The following PDE2A variants were observed in gnomAD, a reference collection of about 807,000 sequenced individuals.
The protein encoded by PDE2A is phosphodiesterase 2A, also known as cGMP-dependent 3',5'-cyclic phosphodiesterase.
A neutral mutation model predicts 133.6 loss-of-function variants in PDE2A; 53 were observed. That is an observed-to-expected ratio of 0.40 (90% CI 0.32 to 0.50). PDE2A has a LOEUF of 0.50. Ranked by LOEUF, PDE2A falls within the 20% of genes least tolerant of loss-of-function variation. The pLI is 0.73. For synonymous variants in PDE2A, 491 were observed against 490.2 expected (o/e 1.00, Z -0.02); for missense variants, 796 against 1,232.4 (o/e 0.65, Z 5.30).
intron 4 of PDE2A, among the ~76,000 whole-genome samples, chr11:72,602,167 G>A (rs549069145): frequency 6.6e-6 from 1 of 152,328 alleles, no homozygotes; most frequent in South Asian, 2.1e-4. Context: ...TTGCAAGGGA[G>A]CAAGCAGCCC....
At chr11:72,613,783 G>A (rs1342789861) in intron 2 of PDE2A, among the ~76,000 whole-genome samples, 1 of 152,152 alleles carries the variant, frequency 6.6e-6, no homozygotes, top group Non-Finnish European at 1.5e-5. Context: ...GCAGCTAGAG[G>A]GGAAACAGGG....
Position 72,578,985 on chromosome 11 carries a change from T to G in PDE2A, c.2381A>C (p.Gln794Pro). 1 of 1,613,730 alleles carries G rather than the reference T, an allele frequency of 6.2e-7. No homozygotes were observed. The highest frequency in any genetic ancestry group is 8.5e-7 in the Non-Finnish European group (1 of 1,179,634). Residue 794 changes from glutamine to proline, a missense_variant, in exon 28 of 31, where the codon CAG becomes CCG. Gln to Pro is a moderately conservative substitution (Grantham distance 76). This residue lies in a region of PDE2A where 19 missense variants were observed against 16.0 expected (regional missense o/e 1.18). Coordinates refer to ENST00000334456, the MANE Select transcript of PDE2A (RefSeq NM_002599.5). This position sits in a 1 kb window ranked among gnomAD's most constrained non-coding sequence, Gnocchi z 4.2. ...AEVGYDRNNK[Q>P]HHRLLLCLLM... ...GAGGCAGAGGAGAAGTCTGTGGTGC[T>G]GCTTGTTGTTTCGGTCGTAGCCCAC...
At chr11:72,632,687 A>T (rs1470146359) in intron 2 of PDE2A, among the ~76,000 whole-genome samples, 1 of 152,096 alleles carries the variant, frequency 6.6e-6, no homozygotes, top group African/African-American at 2.4e-5. Flanking sequence ...CCACAGCCAG[A>T]TGGGCTACCT....
At chr11:72,650,669 C>T (rs1013240179) in intron 1 of PDE2A, among the ~76,000 whole-genome samples, 1 of 144,882 alleles carries the variant, frequency 6.9e-6, no homozygotes, top group Admixed American at 6.6e-5. Context: ...ATGCCTCCTC[C>T]TGATCCTGGT....
At chr11:72,610,782 C>T (rs1478010792) in intron 2 of PDE2A, among the ~76,000 whole-genome samples, 1 of 152,230 alleles carries the variant, frequency 6.6e-6, no homozygotes, top group African/African-American at 2.4e-5. Context: ...ACAGATCCCA[C>T]GTCCTCGCAG....
intron 19 of PDE2A, 157 bp from the exon 20 acceptor site, chr11:72,583,672 AC>A: frequency 1.8e-6 from 1 of 560,918 alleles, no homozygotes; most frequent in South Asian, 2.0e-5. Flanking sequence ...TAAAGACCCC[AC>A]CCCCACTTTC....
chr11:72,638,545 C>T (rs1178668067), intron 2 of PDE2A, among the ~76,000 whole-genome samples: 1 of 152,196 alleles, frequency 6.6e-6, no homozygotes, highest in African/African-American at 2.4e-5. Context: ...GAAGGGTGGG[C>T]AACTGACAGC....
At chr11:72,628,974 G>A (rs531484250) in intron 2 of PDE2A, among the ~76,000 whole-genome samples, 5 of 152,342 alleles carry the variant, frequency 3.3e-5, no homozygotes, top group East Asian at 1.9e-4. Flanking sequence ...CTGGGCACTC[G>A]GGTGGGGTGC....
At chr11:72,651,472 C>T (rs554173720) in intron 1 of PDE2A, among the ~76,000 whole-genome samples, 1 of 152,138 alleles carries the variant, frequency 6.6e-6, no homozygotes, top group African/African-American at 2.4e-5. Flanking sequence ...GGAAGGGGCA[C>T]GCAGGGAGAG....
Position 72,584,612 on chromosome 11 carries a change from G to A in PDE2A, c.1476C>T (p.Asp492=), listed in dbSNP as rs544442314. 6.2e-7 allele frequency: 1 copy of A among 1,612,834 alleles called. No individual in the cohort carries two copies. Among genetic ancestry groups the A allele is most frequent in the African/African-American group, 1.3e-5 (1 of 75,066 alleles). Reference sequence around the variant, plus strand: ...TGCGCGTGCGGAAGCCGGTGCTGTCGTCCACGCCGCGGTAGAAAAGCGGAT... The same window carrying A: ...TGCGCGTGCGGAAGCCGGTGCTGTCATCCACGCCGCGGTAGAAAAGCGGAT... The part of the protein sequence containing the change: ...YAHPLFYRGV[D]DSTGFRTRNI... Residue 492 remains aspartate, a synonymous_variant, in exon 18 of 31, where the codon GAC becomes GAT. Coordinates refer to ENST00000334456, the MANE Select transcript of PDE2A (RefSeq NM_002599.5).
At position 72,590,144 on chromosome 11, in the gene PDE2A, G is replaced by A. The variant is rs144812609; in HGVS notation, c.756+48C>T. 15 of 1,511,922 alleles carry A rather than the reference G, an allele frequency of 9.9e-6. No individual in the cohort carries two copies. The highest frequency in any genetic ancestry group is 1.4e-5 in the African/African-American group (1 of 72,292). The allele number at this position is 1,511,922 out of a possible 1,614,324, so 93.7% of individuals were successfully genotyped here. A position where few individuals can be genotyped will look rare whatever the true frequency, so the allele number is the denominator to read the frequency against. ...AGGGCTCAAGGGGAAGTTGGTCCCC[G>A]GAGGGAGACAGGACGGGGAGGTGGC... On this transcript the variant is annotated intron_variant, in intron 9 of 30. Coordinates refer to ENST00000334456, the MANE Select transcript of PDE2A (RefSeq NM_002599.5). The surrounding 1 kb of genome is among the most constrained non-coding windows in gnomAD (Gnocchi z 4.8).
intron 1 of PDE2A, among the ~76,000 whole-genome samples, chr11:72,653,973 C>T (rs1341817276): frequency 6.6e-6 from 1 of 152,202 alleles, no homozygotes; most frequent in African/African-American, 2.4e-5. Flanking sequence ...GATCCTTGCC[C>T]ACCTCCACCC....
intron 19 of PDE2A, 41 bp from the exon 20 acceptor site, chr11:72,583,556 TG>T: frequency 1.4e-6 from 2 of 1,406,294 alleles, no homozygotes; most frequent in Non-Finnish European, 2.0e-6. Context: ...GGAAGGTGGC[TG>T]TGAAAATTTA....
chr11:72,616,339 G>A (rs989714608), intron 2 of PDE2A, among the ~76,000 whole-genome samples: 1 of 152,114 alleles, frequency 6.6e-6, no homozygotes, highest in Non-Finnish European at 1.5e-5. Context: ...CCCCACCATG[G>A]CATGCACTGT....
chr11:72,634,175 G>A (rs1402114700), intron 2 of PDE2A, among the ~76,000 whole-genome samples: 1 of 152,124 alleles, frequency 6.6e-6, no homozygotes, highest in Non-Finnish European at 1.5e-5. Context: ...GGCAGCAGGA[G>A]GAAGCGGGTG....
At position 72,653,137 on chromosome 11, in the gene PDE2A, T is replaced by C. The variant is rs1473993807; in HGVS notation, c.72-10811A>G. 2.6e-5 allele frequency among the ~76,000 whole-genome samples: 4 copies of C among 152,282 alleles called. No homozygotes were observed. In the East Asian group the frequency reaches 5.8e-4, roughly 22 times the overall value. On this transcript the variant is annotated intron_variant, in intron 1 of 30. Transcript: ENST00000334456. ...CAGGGCGGAGGCCATTGTTTGGGGC[T>C]TCCGAGGCAGCCAGCAAGAGAGAGG...
Position 72,669,972 on chromosome 11 carries a change from G to A in PDE2A, c.71+4165C>T, listed in dbSNP as rs530462136. On this transcript the variant is annotated intron_variant, in intron 1 of 30. Coordinates refer to ENST00000334456, the MANE Select transcript of PDE2A (RefSeq NM_002599.5). ...TCAAGCCTGTTGGAGACACCTTCAC[G>A]GAAGAAAGTGCTTCCTACAGTCTAG... Among the ~76,000 whole-genome samples, 71 of 152,234 alleles carry A rather than the reference G, an allele frequency of 4.7e-4. 1 individual carries two copies. The highest frequency in any genetic ancestry group is 6.8e-4 in the Non-Finnish European group (46 of 68,010).
At chr11:72,658,271 C>T (rs1451614233) in intron 1 of PDE2A, 9 of 379,346 alleles carry the variant, frequency 2.4e-5, no homozygotes, top group Non-Finnish European at 4.7e-5. Context: ...TCCTCCCACC[C>T]CAGGTTATGG....
In PDE2A at chr11:72,576,597, A is replaced by G. The variant is rs928289083; in HGVS notation, c.*787T>C. On this transcript the variant is annotated 3_prime_UTR_variant, in exon 31 of 31. Coordinates refer to ENST00000334456, the MANE Select transcript of PDE2A (RefSeq NM_002599.5). ...ATAGAGCTATTTTAGACATTGATCT[A>G]AAATGGATCTTAGAGCATGGATTGT... The G allele has an allele frequency of 1.8e-5, 3 of 169,512 alleles. No individual in the cohort carries two copies. The highest frequency in any genetic ancestry group is 7.2e-5 in the African/African-American group (3 of 41,538). The allele number at this position is 169,512 out of a possible 1,614,324, so 10.5% of individuals were successfully genotyped here. A position where few individuals can be genotyped will look rare whatever the true frequency, so the allele number is the denominator to read the frequency against.
Sources: allele counts gnomAD v4.1 joint callset (sites outside exome capture counted in the v4.1 genomes callset), GRCh38; gene constraint gnomAD v4.1.1; regional missense constraint gnomAD v4.1.1; non-coding constraint Gnocchi (gnomAD v3.1); transcripts MANE v1.5; gene names NCBI Gene and HGNC (gene_info 2026-07-23, HGNC 2026-07-21).